Variants in SOX5 observed in about 807,000 individuals in gnomAD.
The protein encoded by SOX5 is transcription factor SOX-5.
Under a neutral mutation model 92.0 loss-of-function variants are expected in SOX5, and 9 were observed. The ratio of observed to expected loss-of-function variants is 0.10; its 90% CI spans 0.06 to 0.17. The LOEUF (loss-of-function observed/expected upper bound fraction) is 0.17, where lower values mean the gene tolerates loss of function less well. SOX5 is among the 10% of genes least tolerant of loss of function. The pLI is 1.00. For synonymous variants in SOX5, 344 were observed against 336.3 expected (o/e 1.02, Z -0.25); for missense variants, 642 against 944.5 (o/e 0.68, Z 4.20).
At chr12:24,146,561 C>T (rs998809825) in intron 4 of SOX5, among the ~76,000 whole-genome samples, 2 of 151,572 alleles carry the variant, frequency 1.3e-5, no homozygotes, top group African/African-American at 4.8e-5. Flanking sequence ...CCTCCGTTTC[C>T]ACTGTAAGAA....
chr12:24,047,532 T>C (rs1246634261), intron 4 of SOX5, among the ~76,000 whole-genome samples: 2 of 152,192 alleles, frequency 1.3e-5, no homozygotes, highest in East Asian at 3.9e-4. Context: ...CCTAATGATA[T>C]CTTAAAGACT....
At chr12:24,508,892 A>G (rs1949047818) in intron 1 of SOX5, among the ~76,000 whole-genome samples, 1 of 152,226 alleles carries the variant, frequency 6.6e-6, no homozygotes. Flanking sequence ...ATGCAGCCAC[A>G]GAAACAGAAA....
In SOX5 at chr12:24,345,976, G is replaced by T. The variant is rs188143775; in HGVS notation, c.-174+22587C>A. On this transcript the variant is annotated intron_variant, in intron 2 of 4. Transcript: ENST00000446891. Reference sequence around the variant, plus strand: ...CATTAGTGTCAACAAGGGAGCCCAGGTTCCATAAATCACTCACACTACCCT... The same window carrying T: ...CATTAGTGTCAACAAGGGAGCCCAGTTTCCATAAATCACTCACACTACCCT... Among the ~76,000 whole-genome samples, 365 of 152,254 alleles carry T rather than the reference G, an allele frequency of 2.4e-3. 3 individuals carry two copies. The highest frequency in any genetic ancestry group is 8.0e-3 in the African/African-American group (332 of 41,524).
intron 3 of SOX5, among the ~76,000 whole-genome samples, chr12:24,235,954 C>T (rs992934466): frequency 2.0e-5 from 3 of 152,046 alleles, no homozygotes; most frequent in Admixed American, 6.6e-5. Context: ...CTTTGGGAGG[C>T]CAAGGTGGGC....
intron 4 of SOX5, among the ~76,000 whole-genome samples, chr12:24,101,679 T>C (rs1428873278): frequency 2.0e-5 from 3 of 152,126 alleles, no homozygotes; most frequent in African/African-American, 4.8e-5. Context: ...AAAATTAATA[T>C]TGACTCTTTC....
At chr12:24,368,023 CAAAT>C (rs1170442415) in intron 2 of SOX5, 4 of 152,034 alleles carry the variant, frequency 2.6e-5, no homozygotes, top group Non-Finnish European at 5.9e-5. Context: ...TATTATGACT[CAAAT>C]AAAATACATA....
In SOX5 at chr12:23,864,570, C is replaced by T. The variant is rs560112031; in HGVS notation, c.271-18377G>A. Among the ~76,000 whole-genome samples the T allele has an allele frequency of 5.3e-5, 8 of 152,174 alleles. No individual in the cohort carries two copies. The East Asian group carries it at 1.2e-3, about 22-fold the overall frequency. On this transcript the variant is annotated intron_variant, in intron 2 of 14. Transcript: ENST00000451604. ...GATAAGAAACCAAAACAGCCTTATCCTTAATATAAAGTTGTATTGGTCTGG... is the reference window on the plus strand; with the variant it reads ...GATAAGAAACCAAAACAGCCTTATCTTTAATATAAAGTTGTATTGGTCTGG...
chr12:24,356,881 T>A (rs1392272219), intron 2 of SOX5, among the ~76,000 whole-genome samples: 1 of 152,268 alleles, frequency 6.6e-6, no homozygotes, highest in Non-Finnish European at 1.5e-5. Flanking sequence ...TTACATGTTA[T>A]ATCTTTCTAT....
chr12:23,648,220 G>A (rs2081121692), intron 7 of SOX5, among the ~76,000 whole-genome samples: 1 of 152,128 alleles, frequency 6.6e-6, no homozygotes, highest in South Asian at 2.1e-4. Context: ...GTGAGCACAT[G>A]CTGTTGGAAA....
At chr12:24,444,881 G>A (rs1279862408) in intron 1 of SOX5, among the ~76,000 whole-genome samples, 1 of 152,164 alleles carries the variant, frequency 6.6e-6, no homozygotes. Flanking sequence ...CCTGAGCCTT[G>A]CATAAGCTAT....
At position 23,906,720 on chromosome 12, in the gene SOX5, A is replaced by C. The variant is rs183879570; in HGVS notation, c.39-10696T>G. Reference sequence around the variant, plus strand: ...AGGCTGTAAAAATCTTTTATTAATAATATGAAGTACTAAAAAGCAAAGCCC... The same window carrying C: ...AGGCTGTAAAAATCTTTTATTAATACTATGAAGTACTAAAAAGCAAAGCCC... On this transcript the variant is annotated intron_variant, in intron 1 of 14. Transcript: ENST00000451604. Among the ~76,000 whole-genome samples, 9 of 152,332 alleles carry C rather than the reference A, an allele frequency of 5.9e-5. No homozygotes were observed. The East Asian group carries it at 1.7e-3, about 29-fold the overall frequency.
At chr12:24,351,123 T>C (rs1954031484) in intron 2 of SOX5, among the ~76,000 whole-genome samples, 1 of 152,130 alleles carries the variant, frequency 6.6e-6, no homozygotes, top group South Asian at 2.1e-4. Flanking sequence ...CCTCAAATTA[T>C]ACAACTGATT....
intron 4 of SOX5, among the ~76,000 whole-genome samples, chr12:23,754,114 C>T (rs182997637): frequency 2.0e-5 from 3 of 151,952 alleles, no homozygotes; most frequent in East Asian, 1.9e-4. Flanking sequence ...CCTAAACTAA[C>T]CCCCAAGGCA....
At chr12:23,986,945 T>G (rs1365153780) in intron 4 of SOX5, among the ~76,000 whole-genome samples, 7 of 152,208 alleles carry the variant, frequency 4.6e-5, no homozygotes, top group Non-Finnish European at 1.0e-4. Flanking sequence ...ATTTTAAAAA[T>G]CACTTTCACT....
intron 2 of SOX5, among the ~76,000 whole-genome samples, chr12:23,881,355 C>T (rs183315535): frequency 1.3e-5 from 2 of 152,262 alleles, no homozygotes; most frequent in Non-Finnish European, 1.5e-5. Context: ...TTCATTCCCT[C>T]GCAATTTCTT....
intron 6 of SOX5, among the ~76,000 whole-genome samples, chr12:23,671,779 C>T (rs2084820156): frequency 1.3e-5 from 2 of 152,138 alleles, no homozygotes; most frequent in Admixed American, 6.6e-5. Context: ...GCTAAAATTG[C>T]AATCCCTGCC....
intron 4 of SOX5, among the ~76,000 whole-genome samples, chr12:24,096,749 T>A (rs1945461832): frequency 6.6e-6 from 1 of 152,178 alleles, no homozygotes; most frequent in Non-Finnish European, 1.5e-5. Flanking sequence ...TTTTGGTTAT[T>A]ATTAGTGCTA....
At chr12:24,429,174 G>T (rs953004845) in intron 1 of SOX5, among the ~76,000 whole-genome samples, 2 of 151,646 alleles carry the variant, frequency 1.3e-5, no homozygotes, top group Non-Finnish European at 2.9e-5. Context: ...AAAATTAGCC[G>T]GGCATGGTGG....
At chr12:23,627,506 T>G (rs1308394432) in intron 8 of SOX5, among the ~76,000 whole-genome samples, 1 of 152,164 alleles carries the variant, frequency 6.6e-6, no homozygotes, top group Non-Finnish European at 1.5e-5. Context: ...TTTGCCAGTT[T>G]TATACCCTTG....
Sources: gnomAD v4.1 joint callset for allele counts (sites outside exome capture counted in the v4.1 genomes callset) on GRCh38, gnomAD v4.1.1 for gene constraint, MANE v1.5 for transcripts, NCBI Gene and HGNC (gene_info 2026-07-23, HGNC 2026-07-21) for gene names.